The following CD300LD variants were observed in gnomAD, a reference collection of about 807,000 sequenced individuals.
CD300LD encodes CD300 molecule like family member d.
In CD300LD, 18 loss-of-function variants were observed where a neutral mutation model predicts 20.3. The observed-to-expected ratio is 0.89, with a 90% CI of 0.61 to 1.32. The LOEUF (loss-of-function observed/expected upper bound fraction) is 1.32. Among genes scored for constraint, CD300LD ranks in the 40% most tolerant of loss-of-function variants. CD300LD has a pLI of 0.00. For synonymous variants in CD300LD, 104 were observed against 90.1 expected (o/e 1.15, Z -0.87); for missense variants, 195 against 226.6 (o/e 0.86, Z 0.90).
intron 2 of CD300LD, among the ~76,000 whole-genome samples, chr17:74,587,560 C>T (rs1028406545): frequency 4.6e-5 from 7 of 152,102 alleles, no homozygotes; most frequent in Admixed American, 6.6e-5. Context: ...CTTTTGTTTT[C>T]GATTTCATTA....
At chr17:74,589,047 A>T (rs1265845751) in intron 1 of CD300LD, among the ~76,000 whole-genome samples, 198 bp from the exon 2 acceptor site, 1 of 152,262 alleles carries the variant, frequency 6.6e-6, no homozygotes, top group Non-Finnish European at 1.5e-5. Context: ...GCACAACTGC[A>T]GATCCCCAAA....
downstream of CD300LD, among the ~76,000 whole-genome samples, chr17:74,578,892 G>A (rs1167207887): frequency 6.6e-6 from 1 of 152,108 alleles, no homozygotes; most frequent in Non-Finnish European, 1.5e-5. Context: ...CGGTACTGAG[G>A]ACCCAGCCAT....
chr17:74,588,866 C>G lies in CD300LD; in HGVS notation c.41-17G>C. The G allele has an allele frequency of 6.3e-7, 1 of 1,581,930 alleles. No homozygotes were observed. The highest frequency in any genetic ancestry group is 1.1e-5 in the South Asian group (1 of 88,080). ...TGGAGTAACCTGGAAAACGCAAATT[C>G]ATGTGTCGTCACCTCCCACCCCAAG... On this transcript the variant is annotated splice_polypyrimidine_tract_variant and intron_variant, in intron 1 of 3. Coordinates refer to ENST00000375352, the MANE Select transcript of CD300LD (RefSeq NM_001115152.2).
intron 2 of CD300LD, 97 bp downstream of exon 2, chr17:74,588,414 G>A (rs1238949506): frequency 1.3e-6 from 1 of 758,096 alleles, no homozygotes; most frequent in Non-Finnish European, 2.2e-6. Context: ...TCTGTCACAG[G>A]TCACTCTGAG....
intron 2 of CD300LD, among the ~76,000 whole-genome samples, chr17:74,588,141 C>T (rs141029952): frequency 6.6e-6 from 1 of 152,288 alleles, no homozygotes; most frequent in East Asian, 1.9e-4. Flanking sequence ...AAGGTGGCTC[C>T]AGGCACCTCG....
At chr17:74,588,989 T>A (rs895976408) in intron 1 of CD300LD, 140 bp from the exon 2 acceptor site, 2 of 616,172 alleles carry the variant, frequency 3.2e-6, no homozygotes, top group African/African-American at 3.7e-5. Context: ...CAAATCTTTG[T>A]CCTTCAAAAT....
In CD300LD at chr17:74,580,019, G is replaced by T. The variant is rs765620575; in HGVS notation, c.568C>A (p.Pro190Thr). 2.0e-4 allele frequency: 319 copies of T among 1,611,308 alleles called. No homozygotes were observed. The highest frequency in any genetic ancestry group is 2.7e-4 in the Non-Finnish European group (313 of 1,178,526). The change falls in exon 4 of 4, where the codon CCA becomes ACA. Residue 190 changes from proline to threonine, a missense_variant. By Grantham distance (38) the Pro-to-Thr change is conservative. Coordinates refer to ENST00000375352, the MANE Select transcript of CD300LD (RefSeq NM_001115152.2). ...MLGTVLWVNR[P>T]QRRS is the part of the protein sequence containing the mutation. ...CTCCTCCTTCAAGACCTTCTTTGTG[G>T]TCTGTTTACCCAGAGGACGGTCCCC...
intron 3 of CD300LD, among the ~76,000 whole-genome samples, chr17:74,580,792 G>C (rs1174376875): frequency 6.6e-6 from 1 of 151,810 alleles, no homozygotes; most frequent in Admixed American, 6.6e-5. Context: ...CAGGCCAGGC[G>C]TGGTGGTTCG....
chr17:74,579,767 C>A lies in CD300LD; in HGVS notation c.*235G>T. 1 of 280,564 alleles carries A rather than the reference C, an allele frequency of 3.6e-6. No individual in the cohort carries two copies. Among genetic ancestry groups the A allele is most frequent in the Non-Finnish European group, 6.9e-6 (1 of 144,730 alleles). 17.4% of individuals were successfully genotyped at this position (280,564 alleles called of 1,614,324 possible). A position where few individuals can be genotyped will look rare whatever the true frequency, so the allele number is the denominator to read the frequency against. On this transcript the variant is annotated 3_prime_UTR_variant, in exon 4 of 4. Coordinates refer to ENST00000375352, the MANE Select transcript of CD300LD (RefSeq NM_001115152.2). ...GGGGGTGGTGGCATGTGCCTGTAGC[C>A]CCAGCTACTCTGGAGGTTGAGGCAG...
intron 3 of CD300LD, among the ~76,000 whole-genome samples, chr17:74,580,428 C>T (rs971496821): frequency 1.3e-5 from 2 of 152,254 alleles, no homozygotes; most frequent in Non-Finnish European, 2.9e-5. Context: ...CTCTACTTAC[C>T]TCGGCTTCTG....
chr17:74,584,880 A>G (rs1415767384), intron 2 of CD300LD: 1 of 152,886 alleles, frequency 6.5e-6, no homozygotes, highest in Non-Finnish European at 1.5e-5. Context: ...ACGAACGAGA[A>G]ACCCTGGAAC....
chr17:74,584,029 A>G (rs904725065), intron 2 of CD300LD, among the ~76,000 whole-genome samples: 1 of 152,138 alleles, frequency 6.6e-6, no homozygotes, highest in Non-Finnish European at 1.5e-5. Flanking sequence ...TGCTGGGATT[A>G]CAGGCGTGAA....
At chr17:74,590,760 A>G (rs2030291385) in intron 1 of CD300LD, 1 of 152,186 alleles carries the variant, frequency 6.6e-6, no homozygotes, top group African/African-American at 2.4e-5. Flanking sequence ...ATATTTAAAG[A>G]AAAACTACAT....
chr17:74,587,632 C>CT (rs71953567), intron 2 of CD300LD, among the ~76,000 whole-genome samples: 1 of 151,944 alleles, frequency 6.6e-6, no homozygotes, highest in Non-Finnish European at 1.5e-5. Flanking sequence ...TTACTTTGAT[C>CT]TTTTTTTTCC....
chr17:74,580,307 G>A (rs1241673726), intron 3 of CD300LD, among the ~76,000 whole-genome samples, 194 bp from the exon 4 acceptor site: 1 of 152,204 alleles, frequency 6.6e-6, no homozygotes, highest in Non-Finnish European at 1.5e-5. Context: ...TACACCTCCA[G>A]TAAACTCAGC....
At chr17:74,580,622 G>A (rs770953133) in intron 3 of CD300LD, among the ~76,000 whole-genome samples, 1 of 152,132 alleles carries the variant, frequency 6.6e-6, no homozygotes, top group African/African-American at 2.4e-5. Flanking sequence ...TACTTTCTAT[G>A]GATGTGTAAG....
At chr17:74,581,164 GA>G (rs1383860797) in intron 3 of CD300LD, among the ~76,000 whole-genome samples, 1 of 148,128 alleles carries the variant, frequency 6.8e-6, no homozygotes, top group Non-Finnish European at 1.5e-5. Context: ...CATGGAGGAG[GA>G]AAAAAACAAA....
downstream of CD300LD, among the ~76,000 whole-genome samples, chr17:74,579,129 C>T (rs2029977614): frequency 6.6e-6 from 1 of 152,236 alleles, no homozygotes; most frequent in Admixed American, 6.5e-5. Context: ...CCAGGAATCT[C>T]CTGACTTCCC....
Position 74,592,208 on chromosome 17 carries a change from T to C in CD300LD, c.-6A>G. On this transcript the variant is annotated 5_prime_UTR_variant, in exon 1 of 4. Transcript: ENST00000375352. ...AGAGATGGGGACAGCCACATGGTCC[T>C]GTCTCCTCTCCTCTCCTTGGTGATC... The C allele has an allele frequency of 6.2e-7, 1 of 1,614,196 alleles. No homozygotes were observed.
Sources: allele counts gnomAD v4.1 joint callset (sites outside exome capture counted in the v4.1 genomes callset), GRCh38; gene constraint gnomAD v4.1.1; transcripts MANE v1.5; gene names NCBI Gene and HGNC (gene_info 2026-07-23, HGNC 2026-07-21).